Variants in ZNF541 observed in about 807,000 individuals in gnomAD.
ZNF541 encodes the protein zinc finger protein 541.
A neutral mutation model predicts 123.5 loss-of-function variants in ZNF541; 23 were observed. That is an observed-to-expected ratio of 0.19 (90% CI 0.13 to 0.26). The LOEUF is 0.26. Among genes scored for constraint, ZNF541 ranks in the 10% least tolerant of loss-of-function variants. ZNF541 has a pLI of 1.00. For missense variants in ZNF541, 1,612 were observed against 1,789.9 expected (o/e 0.90, Z 1.79); for synonymous variants, 751 against 754.5 (o/e 1.00, Z 0.08).
chr19:47,525,154 G>A (rs545034612), intron 14 of ZNF541, among the ~76,000 whole-genome samples: 62 of 151,636 alleles, frequency 4.1e-4, no homozygotes, highest in Non-Finnish European at 7.1e-4. Flanking sequence ...GTGTGGTTGT[G>A]CGCACCTGTA....
intron 7 of ZNF541, 144 bp from the exon 8 acceptor site, chr19:47,540,022 C>A: frequency 7.0e-7 from 1 of 1,422,664 alleles, no homozygotes; most frequent in South Asian, 1.4e-5. Flanking sequence ...CAGCCCATGG[C>A]AATGGCCTGC....
At chr19:47,526,590 G>T (rs1969309696) in intron 14 of ZNF541, among the ~76,000 whole-genome samples, 1 of 152,008 alleles carries the variant, frequency 6.6e-6, no homozygotes, top group Non-Finnish European at 1.5e-5. Flanking sequence ...ACAGGCCCAT[G>T]AAAAGATGCT....
rs1969571421 is a variant in ZNF541 at position 47,531,527 on chromosome 19, G to A, written c.3405+115C>T. ...TCCCAAAGCCGCTGTGGAGGAGGAT[G>A]GGCGGCCTTCTTCCAGCTTCCATCC... On this transcript the variant is annotated intron_variant, in intron 12 of 16. Transcript: ENST00000391901. The A allele has an allele frequency of 4.1e-6, 3 of 728,038 alleles. No homozygotes were observed. In the Admixed American group the frequency reaches 9.5e-5, roughly 23 times the overall value. The allele number at this position is 728,038 out of a possible 1,614,324, so 45.1% of individuals were successfully genotyped here. A position where few individuals can be genotyped will look rare whatever the true frequency, so the allele number is the denominator to read the frequency against.
chr19:47,572,494 T>C (rs1295266400), intron 1 of ZNF541, among the ~76,000 whole-genome samples: 1 of 151,924 alleles, frequency 6.6e-6, no homozygotes, highest in Non-Finnish European at 1.5e-5. Flanking sequence ...ACTGGGTTAA[T>C]TTTTTTTCTT....
intron 1 of ZNF541, among the ~76,000 whole-genome samples, chr19:47,572,661 G>A (rs980241293): frequency 6.6e-6 from 1 of 151,958 alleles, no homozygotes; most frequent in Non-Finnish European, 1.5e-5. Context: ...AGCAGAAGGG[G>A]CCTGGAAGAG....
At chr19:47,536,972 T>C (rs1274403384) in intron 9 of ZNF541, among the ~76,000 whole-genome samples, 3 of 152,058 alleles carry the variant, frequency 2.0e-5, no homozygotes, top group Admixed American at 6.6e-5. Flanking sequence ...TGAAATAAAC[T>C]AGACACAAAA....
At chr19:47,522,097 A>T (rs1167747678) in intron 14 of ZNF541, 103 bp from the exon 15 acceptor site, 7 of 1,441,664 alleles carry the variant, frequency 4.9e-6, no homozygotes, top group Non-Finnish European at 6.5e-6. Flanking sequence ...CTCCGGAAGC[A>T]CCTCTTCCTT....
intron 3 of ZNF541, 94 bp from the exon 4 acceptor site, chr19:47,549,579 G>A (rs1353505672): frequency 2.7e-6 from 4 of 1,499,396 alleles, no homozygotes; most frequent in Non-Finnish European, 3.6e-6. Flanking sequence ...AACCATGGTG[G>A]CCTTGTAAGT....
In ZNF541 at chr19:47,545,273, A is replaced by C. The variant is rs561466278; in HGVS notation, c.1256T>G (p.Leu419Arg). The C allele has an allele frequency of 1.3e-6, 2 of 1,549,368 alleles. No individual in the cohort carries two copies. Among genetic ancestry groups the C allele is most frequent in the African/African-American group, 2.7e-5 (2 of 73,034 alleles). ...GCCTTTGCTTTTGGGACAGCCCGGCAGGTTCCGGAGCCACTGGAAGCTGTG... is the reference window on the plus strand; with the variant it reads ...GCCTTTGCTTTTGGGACAGCCCGGCCGGTTCCGGAGCCACTGGAAGCTGTG... ...SSHSFQWLRN[L>R]PGCPKSKGNN... Residue 419 changes from leucine (L) to arginine (R), a missense_variant, in exon 5 of 17, where the codon CTG becomes CGG. By Grantham distance (102) the Leu-to-Arg change is moderately radical (BLOSUM62 -2). This residue lies in a region of ZNF541 where 1,080 missense variants were observed against 1,013.8 expected (regional missense o/e 1.07). Coordinates refer to ENST00000391901, the MANE Select transcript of ZNF541 (RefSeq NM_001277075.3). This position sits in a 1 kb window ranked among gnomAD's most constrained non-coding sequence, Gnocchi z 7.5.
At chr19:47,569,992 T>C (rs1350671800) in intron 2 of ZNF541, among the ~76,000 whole-genome samples, 1 of 152,030 alleles carries the variant, frequency 6.6e-6, no homozygotes, top group Non-Finnish European at 1.5e-5. Context: ...TCATTTTCTC[T>C]GGCCGGGCAC....
At chr19:47,522,731 G>A (rs896588140) in intron 14 of ZNF541, among the ~76,000 whole-genome samples, 1 of 149,054 alleles carries the variant, frequency 6.7e-6, no homozygotes, top group Admixed American at 6.8e-5. Flanking sequence ...AGGTGTTCAA[G>A]GCTGCAGTGA....
chr19:47,573,106 G>A lies in ZNF541; in HGVS notation c.-269C>T, dbSNP rs1210998849. ...ACCCGCCCCCGGGGGCTCGCGCGCC[G>A]GGCCTCGCGCCTGGCGCCTCGCGGG... is the stretch of plus-strand genomic sequence containing the variant. On this transcript the variant is annotated 5_prime_UTR_variant, in exon 1 of 17. Transcript: ENST00000391901. Among the ~76,000 whole-genome samples, 3 of 149,994 alleles carry A rather than the reference G, an allele frequency of 2.0e-5. No individual in the cohort carries two copies. Among genetic ancestry groups the A allele is most frequent in the African/African-American group, 2.4e-5 (1 of 41,180 alleles).
At position 47,555,815 on chromosome 19, in the gene ZNF541, T is replaced by C; in HGVS notation, c.42A>G (p.Ser14=). The change falls in exon 3 of 17, where the codon TCA becomes TCG. Residue 14 remains serine, a synonymous_variant. Coordinates refer to ENST00000391901, the MANE Select transcript of ZNF541 (RefSeq NM_001277075.3). ...CTGAAAATGAAGGGAGGTGCATTTCTGATGGGAGGGCACCCTCGTCTCCAA... is the reference window on the plus strand; with the variant it reads ...CTGAAAATGAAGGGAGGTGCATTTCCGATGGGAGGGCACCCTCGTCTCCAA... ...YSLGDEGALP[S]EMHLPSFSES... is the part of the protein sequence containing the mutation. 1 of 1,551,598 alleles carries C rather than the reference T, an allele frequency of 6.4e-7. No homozygotes were observed. Among genetic ancestry groups the C allele is most frequent in the South Asian group, 1.2e-5 (1 of 84,058 alleles).
intron 3 of ZNF541, among the ~76,000 whole-genome samples, chr19:47,553,197 A>G (rs755770200): frequency 2.6e-5 from 4 of 152,148 alleles, no homozygotes; most frequent in Non-Finnish European, 5.9e-5. Context: ...TGATCTTCTT[A>G]GAAACCAGTG....
intron 3 of ZNF541, among the ~76,000 whole-genome samples, chr19:47,552,616 G>A (rs1426012546): frequency 1.3e-5 from 2 of 150,798 alleles, no homozygotes; most frequent in East Asian, 2.0e-4. Context: ...AGTGGCGGGC[G>A]CCTGTGGTCC....
intron 2 of ZNF541, among the ~76,000 whole-genome samples, chr19:47,556,385 A>G (rs1330969405): frequency 6.6e-6 from 1 of 152,214 alleles, no homozygotes; most frequent in Non-Finnish European, 1.5e-5. Context: ...CAGGGCCTAG[A>G]GCCATTTGTC....
In ZNF541 at chr19:47,545,566, G is replaced by A. The variant is rs1412282043; in HGVS notation, c.963C>T (p.Ala321=). Residue 321 remains alanine (A), a synonymous_variant, in exon 5 of 17, where the codon GCC becomes GCT. Transcript: ENST00000391901. This position sits in a 1 kb window ranked among gnomAD's most constrained non-coding sequence, Gnocchi z 7.5. ...GCGCTGCTGGGGCCGCGTGGGGGCC[G>A]GCTGGGGTGCAGGACGAGGACCCCG... is the stretch of plus-strand genomic sequence containing the variant. ...ASSGSSSCTP[A]GPHAAPAALD... 5 of 1,542,044 alleles carry A rather than the reference G, an allele frequency of 3.2e-6. No homozygotes were observed. In the Admixed American group the frequency reaches 6.0e-5, roughly 19 times the overall value.
intron 3 of ZNF541, among the ~76,000 whole-genome samples, chr19:47,554,795 C>G (rs142872133): frequency 1.3e-5 from 2 of 152,122 alleles, no homozygotes; most frequent in Admixed American, 1.3e-4. Context: ...GTTCTGTTTC[C>G]TTTACTAAGA....
chr19:47,522,689 AAGATGCTGAGGCG>A (rs1454646805), intron 14 of ZNF541, among the ~76,000 whole-genome samples: 1 of 151,112 alleles, frequency 6.6e-6, no homozygotes, highest in East Asian at 1.9e-4. Flanking sequence ...CCAGCTACTT[AAGATGCTGAGGCG>A]AGATGATCGC....
Sources: gnomAD v4.1 joint callset for allele counts (sites outside exome capture counted in the v4.1 genomes callset) on GRCh38, gnomAD v4.1.1 for gene constraint, gnomAD v4.1.1 regional missense constraint, Gnocchi (gnomAD v3.1) non-coding constraint, MANE v1.5 for transcripts, NCBI Gene and HGNC (gene_info 2026-07-23, HGNC 2026-07-21) for gene names.